ADGB: variants seen among roughly 807,000 people sequenced by gnomAD.
ADGB encodes the protein androglobin, also known as calpain-7-like protein.
In ADGB, 172 loss-of-function variants were observed where a neutral mutation model predicts 210.5. That is an observed-to-expected ratio of 0.82 (90% CI 0.72 to 0.93). The LOEUF (loss-of-function observed/expected upper bound fraction) is 0.93, where lower values mean the gene tolerates loss of function less well. Among genes scored for constraint, ADGB ranks in the 40% least tolerant of loss-of-function variants. The probability of loss-of-function intolerance (pLI) is 0.00; values close to 1 mark genes in which losing one functional copy is unlikely to be tolerated. For missense variants in ADGB, 2,025 were observed against 1,964.8 expected, an observed-to-expected ratio of 1.03 and a Z score of -0.58; for synonymous variants, 658 against 662.7, an observed-to-expected ratio of 0.99 and a Z score of 0.11.
intron 33 of ADGB, among the ~76,000 whole-genome samples, chr6:146,799,535 GAAAAA>G (rs35756296): frequency 4.3e-5 from 4 of 93,460 alleles, no homozygotes; most frequent in Admixed American, 1.3e-4. Flanking sequence ...TCTGGGGGGA[GAAAAA>G]AAAAAAAAAA....
Position 146,724,251 on chromosome 6 carries a change from TC to T in ADGB, c.2164del (p.Leu722Ter), listed in dbSNP as rs1776862828. On this transcript the variant is annotated frameshift_variant, in exon 18 of 36. Coordinates refer to ENST00000397944, the MANE Select transcript of ADGB (RefSeq NM_024694.4). LOFTEE classifies it high-confidence loss of function. ...LLTAETFSWK[S>X]LKPGSLVLKI... Reference sequence around the variant, plus strand: ...CACAGCTGAAACGTTTTCTTGGAAATCCCTGAAACCAGGCAGTCTTGTTCTG... The same window carrying T: ...CACAGCTGAAACGTTTTCTTGGAAATCCTGAAACCAGGCAGTCTTGTTCTG... The T allele has an allele frequency of 6.4e-7, 1 of 1,551,218 alleles. No individual in the cohort carries two copies. Among genetic ancestry groups the T allele is most frequent in the Non-Finnish European group, 8.7e-7 (1 of 1,146,790 alleles).
chr6:146,720,261 C>G (rs978980107), intron 16 of ADGB, among the ~76,000 whole-genome samples: 1 of 152,240 alleles, frequency 6.6e-6, no homozygotes, highest in East Asian at 1.9e-4. Context: ...TTTCTCTCAT[C>G]TTTGCTACTA....
intron 33 of ADGB, among the ~76,000 whole-genome samples, chr6:146,796,821 CA>C (rs1253433092): frequency 6.6e-6 from 1 of 151,990 alleles, no homozygotes; most frequent in Non-Finnish European, 1.5e-5. Context: ...AACCCAAAAG[CA>C]AATGCAACAA....
At chr6:146,759,114 C>CA (rs1777451659) in intron 27 of ADGB, among the ~76,000 whole-genome samples, 1 of 151,676 alleles carries the variant, frequency 6.6e-6, no homozygotes, top group African/African-American at 2.4e-5. Flanking sequence ...CTAATAGTTG[C>CA]AAAAAATCTG....
intron 26 of ADGB, among the ~76,000 whole-genome samples, chr6:146,748,791 G>A (rs1777279162): frequency 6.6e-6 from 1 of 152,058 alleles, no homozygotes; most frequent in Non-Finnish European, 1.5e-5. Context: ...TGTTGACCAG[G>A]CTGGTCTCAA....
At chr6:146,795,554 C>T (rs368626747) in intron 33 of ADGB, among the ~76,000 whole-genome samples, 1 of 152,068 alleles carries the variant, frequency 6.6e-6, no homozygotes, top group Non-Finnish European at 1.5e-5. Flanking sequence ...TGAAAAAAAG[C>T]TCAATGTCAC....
rs183660910 is a variant in ADGB, at chr6:146,815,434, A to G, written c.*217A>G. The G allele has an allele frequency of 3.1e-4, 94 of 304,290 alleles. No individual in the cohort carries two copies. The highest frequency in any genetic ancestry group is 4.1e-4 in the Non-Finnish European group (70 of 170,632). 18.8% of individuals were successfully genotyped at this position (304,290 alleles called of 1,614,324 possible). ...AATTTCAATAAAATAGCTTCCAAAT[A>G]TTTAATAAAATATGTTTGACACTCT... On this transcript the variant is annotated 3_prime_UTR_variant, in exon 36 of 36. Transcript: ENST00000397944.
chr6:146,699,900 A>G (rs1324729887), intron 12 of ADGB, among the ~76,000 whole-genome samples: 3 of 152,136 alleles, frequency 2.0e-5, no homozygotes, highest in Non-Finnish European at 2.9e-5. Context: ...CTTACTTTTT[A>G]TCTTCTTTCA....
At chr6:146,793,816 G>T (rs372596955) in intron 33 of ADGB, among the ~76,000 whole-genome samples, 1 of 152,222 alleles carries the variant, frequency 6.6e-6, no homozygotes, top group Non-Finnish European at 1.5e-5. Context: ...TAGTGTAAAA[G>T]CAACACTCTT....
chr6:146,730,478 TATTTC>T (rs1180440312), intron 20 of ADGB, among the ~76,000 whole-genome samples: 1 of 152,180 alleles, frequency 6.6e-6, no homozygotes, highest in African/African-American at 2.4e-5. Context: ...CCACACAACA[TATTTC>T]ATCCCAAATT....
At chr6:146,676,537 TAACTA>T in intron 9 of ADGB, 96 bp downstream of exon 9, 2 of 1,122,868 alleles carry the variant, frequency 1.8e-6, no homozygotes, top group Non-Finnish European at 2.3e-6. Flanking sequence ...TCTTTTGAAA[TAACTA>T]AATAAACTTA....
chr6:146,633,261 G>A (rs1781090550), intron 1 of ADGB, among the ~76,000 whole-genome samples: 1 of 152,110 alleles, frequency 6.6e-6, no homozygotes, highest in African/African-American at 2.4e-5. Context: ...CACCAAGCCA[G>A]TCCAAACCCC....
chr6:146,726,033 G>A (rs200293114), intron 18 of ADGB, 50 bp from the exon 19 acceptor site: 384 of 1,237,942 alleles, frequency 3.1e-4, no homozygotes, highest in Non-Finnish European at 4.1e-4. Context: ...CAGGTCAAAT[G>A]CCACCACCCA....
intron 35 of ADGB, among the ~76,000 whole-genome samples, chr6:146,809,791 T>A (rs1378110482): frequency 6.6e-6 from 1 of 152,184 alleles, no homozygotes; most frequent in Non-Finnish European, 1.5e-5. Flanking sequence ...AACATTGCCC[T>A]ATGCTATACA....
At chr6:146,768,896 A>G in intron 28 of ADGB, 124 bp from the exon 29 acceptor site, 2 of 489,164 alleles carry the variant, frequency 4.1e-6, no homozygotes, top group Admixed American at 6.6e-5. Context: ...AGCATGATTT[A>G]ACTAAATTAT....
intron 35 of ADGB, among the ~76,000 whole-genome samples, chr6:146,813,785 G>C (rs1426435601): frequency 6.6e-6 from 1 of 152,196 alleles, no homozygotes; most frequent in African/African-American, 2.4e-5. Context: ...TAATAACCAA[G>C]TAAATGCAGC....
chr6:146,649,160 GTTTT>G (rs567600494), intron 3 of ADGB, among the ~76,000 whole-genome samples: 1 of 126,016 alleles, frequency 7.9e-6, no homozygotes, highest in Admixed American at 8.0e-5. Context: ...TTAAAGTTTT[GTTTT>G]TTTTTTTTTT....
intron 3 of ADGB, among the ~76,000 whole-genome samples, chr6:146,645,713 G>A (rs2114872741): frequency 6.6e-6 from 1 of 152,022 alleles, no homozygotes; most frequent in East Asian, 1.9e-4. Flanking sequence ...AAGAAAATAT[G>A]ATATGTCCAC....
chr6:146,742,900 G>T (rs143521081), intron 25 of ADGB, among the ~76,000 whole-genome samples: 1 of 151,522 alleles, frequency 6.6e-6, no homozygotes, highest in Non-Finnish European at 1.5e-5. Context: ...TTTTTTTTAA[G>T]CTTCTGAGTT....
Sources: gnomAD v4.1 joint callset for allele counts (sites outside exome capture counted in the v4.1 genomes callset) on GRCh38, gnomAD v4.1.1 for gene constraint, MANE v1.5 for transcripts, NCBI Gene and HGNC (gene_info 2026-07-23, HGNC 2026-07-21) for gene names.